Variants in EPB41 observed in about 807,000 individuals in gnomAD.
The protein encoded by EPB41 is erythrocyte membrane protein band 4.1, also known as protein 4.1.
In EPB41, 65 loss-of-function variants were observed where a neutral mutation model predicts 108.0. The observed-to-expected ratio is 0.60, with a 90% CI of 0.49 to 0.74. EPB41 has a LOEUF of 0.74. Among genes scored for constraint, EPB41 ranks in the 30% least tolerant of loss-of-function variants. EPB41 has a pLI of 0.00. For missense variants in EPB41, 875 were observed against 1,037.0 expected (o/e 0.84, Z 2.15); for synonymous variants, 336 against 358.9 (o/e 0.94, Z 0.72).
intron 1 of EPB41, among the ~76,000 whole-genome samples, chr1:28,936,809 A>C (rs535372000): frequency 2.4e-4 from 37 of 152,312 alleles, no homozygotes; most frequent in African/African-American, 8.7e-4. Context: ...TTATCCCTTC[A>C]TCAGTTGCTG....
intron 6 of EPB41, among the ~76,000 whole-genome samples, chr1:29,017,991 T>C (rs2096598464): frequency 1.3e-5 from 2 of 152,182 alleles, no homozygotes; most frequent in Non-Finnish European, 2.9e-5. Flanking sequence ...TTTTAAGTTT[T>C]AATATGTAAA....
At chr1:29,105,055 T>C (rs1464072384) in intron 17 of EPB41, among the ~76,000 whole-genome samples, 2 of 152,122 alleles carry the variant, frequency 1.3e-5, no homozygotes, top group East Asian at 3.9e-4. Context: ...GCTATACATG[T>C]GTAACCAAGA....
chr1:29,115,447 G>A lies in EPB41; in HGVS notation c.2497-252G>A, dbSNP rs897010747. ...AGGATCATATAACAGATACAGCTATGACCCCCGAAGTCCCTCTCCAGTTCC... is the reference window on the plus strand; with the variant it reads ...AGGATCATATAACAGATACAGCTATAACCCCCGAAGTCCCTCTCCAGTTCC... On this transcript the variant is annotated intron_variant, in intron 19 of 20. Transcript: ENST00000343067. This position sits in a 1 kb window ranked among gnomAD's most constrained non-coding sequence, Gnocchi z 4.4. 1.3e-5 allele frequency among the ~76,000 whole-genome samples: 2 copies of A among 151,942 alleles called. No individual in the cohort carries two copies. The highest frequency in any genetic ancestry group is 2.1e-4 in the South Asian group (1 of 4,816).
chr1:28,937,755 G>A (rs894721635), intron 1 of EPB41, among the ~76,000 whole-genome samples: 1 of 152,204 alleles, frequency 6.6e-6, no homozygotes, highest in Non-Finnish European at 1.5e-5. Context: ...GGTATCATAT[G>A]TAAGAAATCA....
At chr1:28,888,493 T>G (rs2089711348) in intron 1 of EPB41, among the ~76,000 whole-genome samples, 1 of 152,156 alleles carries the variant, frequency 6.6e-6, no homozygotes, top group African/African-American at 2.4e-5. Context: ...GGAGATAGAA[T>G]GACAGACCCG....
At chr1:29,066,146 C>T (rs1036786057) in intron 16 of EPB41, among the ~76,000 whole-genome samples, 7 of 151,948 alleles carry the variant, frequency 4.6e-5, no homozygotes, top group African/African-American at 7.3e-5. Context: ...CTGGGCCGGG[C>T]GCGGTGGCTC....
chr1:29,092,994 A>T (rs1661860428), intron 16 of EPB41, among the ~76,000 whole-genome samples: 1 of 152,200 alleles, frequency 6.6e-6, no homozygotes, highest in South Asian at 2.1e-4. Context: ...TGTCATTGTG[A>T]ATAGTGCTAC....
At chr1:28,890,553 A>T (rs538509741) in intron 1 of EPB41, among the ~76,000 whole-genome samples, 11 of 152,280 alleles carry the variant, frequency 7.2e-5, no homozygotes, top group African/African-American at 2.6e-4. Context: ...AGGGGATAGG[A>T]TGGAGCAAGA....
chr1:29,026,996 G>C (rs988888510), intron 7 of EPB41, among the ~76,000 whole-genome samples: 1 of 150,994 alleles, frequency 6.6e-6, no homozygotes, highest in Non-Finnish European at 1.5e-5. Flanking sequence ...GGAGGCTGAG[G>C]CAGAAAAATC....
intron 16 of EPB41, among the ~76,000 whole-genome samples, chr1:29,092,128 G>A (rs150396582): frequency 1.6e-3 from 190 of 118,488 alleles, no homozygotes; most frequent in African/African-American, 5.5e-3. Flanking sequence ...ACGGAGTTTC[G>A]TTCATGTTGC....
At chr1:29,070,766 T>C in intron 16 of EPB41, 1 of 1,139,664 alleles carries the variant, frequency 8.8e-7, no homozygotes. Flanking sequence ...AATGTTACTC[T>C]TTGTAGAGTA....
intron 2 of EPB41, 62 bp downstream of exon 2, chr1:28,987,967 T>A: frequency 6.4e-7 from 1 of 1,557,642 alleles, no homozygotes; most frequent in Non-Finnish European, 8.9e-7. Flanking sequence ...TTATTTTTCA[T>A]TTAAGAGTAT....
chr1:29,007,085 C>A (rs936108297), intron 4 of EPB41, among the ~76,000 whole-genome samples: 2 of 150,798 alleles, frequency 1.3e-5, no homozygotes, highest in African/African-American at 4.9e-5. Flanking sequence ...ATAGTTCATT[C>A]TCATTACTGT....
intron 1 of EPB41, among the ~76,000 whole-genome samples, chr1:28,972,830 C>T (rs943572801): frequency 6.6e-6 from 1 of 151,902 alleles, no homozygotes; most frequent in Non-Finnish European, 1.5e-5. Flanking sequence ...TTTCAAACTC[C>T]TGGGCTCAAG....
intron 7 of EPB41, among the ~76,000 whole-genome samples, chr1:29,021,147 AC>A (rs1389481779): frequency 6.6e-6 from 1 of 152,210 alleles, no homozygotes; most frequent in East Asian, 1.9e-4. Context: ...CTTTATAACC[AC>A]CCTTTGAGTT....
intron 16 of EPB41, among the ~76,000 whole-genome samples, chr1:29,092,285 T>G (rs908428226): frequency 6.6e-6 from 1 of 152,012 alleles, no homozygotes; most frequent in African/African-American, 2.4e-5. Flanking sequence ...TTAGTAGAGA[T>G]GGGGTTTCTC....
At chr1:28,941,426 C>T (rs1044497187) in intron 1 of EPB41, among the ~76,000 whole-genome samples, 2 of 151,932 alleles carry the variant, frequency 1.3e-5, no homozygotes, top group East Asian at 3.9e-4. Context: ...ATAAGTCCAA[C>T]GAGGTATAGT....
At position 29,035,832 on chromosome 1, in the gene EPB41, C is replaced by A. The variant is rs1639241132; in HGVS notation, c.1372C>A (p.Gln458Lys). ...FIKIRPGEQE[Q>K]YESTIGFKLP... ...TTTATTTGTGTTTTTGTAGCAAGAG[C>A]AGTATGAAAGTACCATCGGATTCAA... is the stretch of plus-strand genomic sequence containing the variant. The change falls in exon 10 of 21, where the codon CAG (glutamine) becomes AAG (lysine). Residue 458 changes from glutamine (Q) to lysine (K), a missense_variant. Transcript: ENST00000343067. The A allele has an allele frequency of 6.8e-6, 11 of 1,612,602 alleles. No individual in the cohort carries two copies. Among genetic ancestry groups the A allele is most frequent in the Non-Finnish European group, 9.3e-6 (11 of 1,178,756 alleles).
intron 16 of EPB41, chr1:29,068,652 T>TG: frequency 4.6e-6 from 4 of 869,656 alleles, no homozygotes; most frequent in Non-Finnish European, 6.1e-6. Context: ...TTCCATTCTC[T>TG]GGGGATACCT....
Sources: allele counts gnomAD v4.1 joint callset (sites outside exome capture counted in the v4.1 genomes callset), GRCh38; gene constraint gnomAD v4.1.1; non-coding constraint Gnocchi (gnomAD v3.1); transcripts MANE v1.5; gene names NCBI Gene and HGNC (gene_info 2026-07-23, HGNC 2026-07-21).